The following UGGT2 variants were observed in gnomAD, a reference collection of about 807,000 sequenced individuals.
UGGT2 encodes UDP-glucose:glycoprotein glucosyltransferase 2.
In UGGT2, 180 loss-of-function variants were observed where a neutral mutation model predicts 192.1. That is an observed-to-expected ratio of 0.94 (90% CI 0.83 to 1.06). The LOEUF (loss-of-function observed/expected upper bound fraction) is 1.06, where lower values mean the gene tolerates loss of function less well. Among genes scored for constraint, UGGT2 ranks in the 50% least tolerant of loss-of-function variants. The pLI is 0.00. For synonymous variants in UGGT2, 580 were observed against 591.0 expected, an observed-to-expected ratio of 0.98 and a Z score of 0.27; for missense variants, 1,849 against 1,795.7, an observed-to-expected ratio of 1.03 and a Z score of -0.54.
chr13:95,963,527 C>G (rs529942589), intron 12 of UGGT2, among the ~76,000 whole-genome samples: 1 of 152,140 alleles, frequency 6.6e-6, no homozygotes. Flanking sequence ...CAATGTGGTA[C>G]TGGAAGTCCT....
rs750274032 is a variant in UGGT2, at chr13:95,972,609, A to AG, written c.1154_1155insC (p.Val386CysfsTer2). The AG allele has an allele frequency of 6.2e-7, 1 of 1,613,772 alleles. No homozygotes were observed. Among genetic ancestry groups the AG allele is most frequent in the Admixed American group, 1.7e-5 (1 of 60,010 alleles). On this transcript the variant is annotated frameshift_variant, in exon 11 of 39. Coordinates refer to ENST00000376747, the MANE Select transcript of UGGT2 (RefSeq NM_020121.4). LOFTEE classifies it high-confidence loss of function. The stretch of plus-strand genomic sequence containing the variant: ...AAGCGTCATAAACATCCATATCAAC[A>AG]CGAAGGCCATTTATAAATAGACGAG...
intron 29 of UGGT2, among the ~76,000 whole-genome samples, chr13:95,872,681 A>G (rs1891322967): frequency 1.3e-5 from 2 of 152,308 alleles, no homozygotes; most frequent in South Asian, 4.1e-4. Context: ...AGTTATTTCT[A>G]CTGCCAAAAG....
chr13:95,902,990 G>T lies in UGGT2; in HGVS notation c.2366C>A (p.Ala789Asp). ...AGCTGCCAAAATTCCTCTAGAAATA[G>T]CTGTGTTCTCTTCATTTATTTTTGA... ...PTSKINEENT[A>D]ISRGILAAFL... The change falls in exon 21 of 39, where the codon GCT becomes GAT. Residue 789 changes from alanine to aspartate, a missense_variant. Physicochemically the swap from Ala to Asp is moderately radical, Grantham distance 126. Transcript: ENST00000376747. 6.2e-7 allele frequency: 1 copy of T among 1,613,310 alleles called. No individual in the cohort carries two copies. Among genetic ancestry groups the T allele is most frequent in the Non-Finnish European group, 8.5e-7 (1 of 1,179,646 alleles).
intron 20 of UGGT2, among the ~76,000 whole-genome samples, chr13:95,904,182 C>A (rs1157194120): frequency 2.6e-5 from 4 of 151,948 alleles, no homozygotes; most frequent in African/African-American, 4.8e-5. Flanking sequence ...GGAAGCAGTC[C>A]TTAATTTTAA....
rs763493060 is a variant in UGGT2, at chr13:96,023,635, A to G, written c.366T>C (p.Phe122=). ...IRAYSPAIQM[F]QQIAADEPPP... is the part of the protein sequence containing the mutation. ...ATTGGGTATTTTTACGCACCTGCTG[A>G]AACATCTGAATAGCTGGGGAGTATG... Residue 122 remains phenylalanine (F), a synonymous_variant, in exon 3 of 39, where the codon TTT becomes TTC. Transcript: ENST00000376747. 8.1e-6 allele frequency: 13 copies of G among 1,605,424 alleles called. No homozygotes were observed. Among genetic ancestry groups the G allele is most frequent in the Non-Finnish European group, 1.1e-5 (13 of 1,175,454 alleles).
intron 1 of UGGT2, among the ~76,000 whole-genome samples, chr13:96,035,485 T>G (rs1162237046): frequency 2.0e-5 from 3 of 152,080 alleles, no homozygotes; most frequent in African/African-American, 7.2e-5. Context: ...GCAATACAAT[T>G]CAGGACATAG....
chr13:95,979,544 T>A (rs1160511780), intron 10 of UGGT2, among the ~76,000 whole-genome samples: 2 of 7,048 alleles, frequency 2.8e-4, no homozygotes, highest in Non-Finnish European at 9.3e-4. Context: ...CCTGGTCTCT[T>A]ACGCAAAAAA....
At chr13:95,966,907 A>G (rs2140749916) in intron 12 of UGGT2, among the ~76,000 whole-genome samples, 3 of 152,256 alleles carry the variant, frequency 2.0e-5, no homozygotes, top group Middle Eastern at 6.8e-3. Flanking sequence ...TACTTAACAG[A>G]ATCATTATCT....
At chr13:95,805,076 C>G (rs1217822561) in intron 38 of UGGT2, among the ~76,000 whole-genome samples, 2 of 151,784 alleles carry the variant, frequency 1.3e-5, no homozygotes, top group Non-Finnish European at 2.9e-5. Context: ...TAAAGAAACC[C>G]TGCAACTCAA....
Position 95,801,791 on chromosome 13 carries a change from T to TA in UGGT2, c.4549dup (p.Ter1517LeufsTer13). 6.2e-7 allele frequency: 1 copy of TA among 1,613,896 alleles called. No individual in the cohort carries two copies. The highest frequency in any genetic ancestry group is 8.5e-7 in the Non-Finnish European group (1 of 1,179,872). On this transcript the variant is annotated frameshift_variant and stop_lost, in exon 39 of 39. Transcript: ENST00000376747. LOFTEE classifies it high-confidence loss of function. The stretch of plus-strand genomic sequence containing the variant: ...CCTTCCTTCTCATATACACCAGTGC[T>TA]AGAGTTCATCATGTGTCAAAACTAT...
chr13:95,999,424 T>G, intron 5 of UGGT2, 117 bp from the exon 6 acceptor site: 6 of 903,262 alleles, frequency 6.6e-6, no homozygotes, highest in Non-Finnish European at 1.0e-5. Flanking sequence ...TGAAGGTTTT[T>G]AATCACTCTG....
At chr13:95,920,276 T>C (rs147479622) in intron 20 of UGGT2, among the ~76,000 whole-genome samples, 6 of 152,316 alleles carry the variant, frequency 3.9e-5, no homozygotes, top group Non-Finnish European at 5.9e-5. Context: ...ATTCAGGATG[T>C]AGACATGGGC....
intron 31 of UGGT2, 66 bp from the exon 32 acceptor site, chr13:95,860,949 T>C (rs1890108242): frequency 3.5e-6 from 3 of 851,022 alleles, no homozygotes; most frequent in Non-Finnish European, 5.2e-6. Context: ...GCCTAAATAG[T>C]AAATATAAGC....
chr13:95,904,173 G>A (rs1429777676), intron 20 of UGGT2, among the ~76,000 whole-genome samples: 3 of 152,024 alleles, frequency 2.0e-5, no homozygotes, highest in Non-Finnish European at 4.4e-5. Flanking sequence ...GTTATAATGG[G>A]AAGCAGTCCT....
chr13:95,929,578 G>A (rs1318666528), intron 17 of UGGT2, among the ~76,000 whole-genome samples: 2 of 152,168 alleles, frequency 1.3e-5, no homozygotes, highest in African/African-American at 4.8e-5. Flanking sequence ...GTGTTAGTTT[G>A]CTTGGCCTCC....
chr13:95,911,944 A>AT (rs1566682321), intron 20 of UGGT2, among the ~76,000 whole-genome samples: 1 of 152,208 alleles, frequency 6.6e-6, no homozygotes, highest in Non-Finnish European at 1.5e-5. Flanking sequence ...ATGCAAATCA[A>AT]TAAATGTAAT....
chr13:95,820,093 G>A (rs1481088021), intron 38 of UGGT2, among the ~76,000 whole-genome samples: 1 of 152,156 alleles, frequency 6.6e-6, no homozygotes, highest in Non-Finnish European at 1.5e-5. Flanking sequence ...CGGAGGCAGA[G>A]TTTGAGCTGA....
At chr13:95,926,908 T>C (rs978059696) in intron 19 of UGGT2, 120 bp downstream of exon 19, 4 of 888,510 alleles carry the variant, frequency 4.5e-6, no homozygotes, top group East Asian at 5.8e-5. Context: ...AACTCTAAAA[T>C]TGAAATCTAG....
intron 12 of UGGT2, among the ~76,000 whole-genome samples, chr13:95,969,526 T>C (rs2050699017): frequency 6.6e-6 from 1 of 152,006 alleles, no homozygotes; most frequent in Admixed American, 6.6e-5. Context: ...AGGAGTTAAC[T>C]GGATAGAGAA....
Sources: allele counts gnomAD v4.1 joint callset (sites outside exome capture counted in the v4.1 genomes callset), GRCh38; gene constraint gnomAD v4.1.1; transcripts MANE v1.5; gene names NCBI Gene and HGNC (gene_info 2026-07-23, HGNC 2026-07-21).